Variants in EFCAB5 observed in about 807,000 individuals in gnomAD.
EFCAB5 encodes the protein EF-hand calcium-binding domain-containing protein 5.
A neutral mutation model predicts 167.9 loss-of-function variants in EFCAB5; 131 were observed. The ratio of observed to expected loss-of-function variants is 0.78; its 90% confidence interval spans 0.68 to 0.90. The LOEUF (loss-of-function observed/expected upper bound fraction) is 0.90, where lower values mean the gene tolerates loss of function less well. Ranked by LOEUF, EFCAB5 falls within the 40% of genes least tolerant of loss-of-function variation. The probability of loss-of-function intolerance (pLI) is 0.00; values close to 1 mark genes in which losing one functional copy is unlikely to be tolerated. For synonymous variants in EFCAB5, 574 were observed against 602.8 expected (o/e 0.95, Z 0.70); for missense variants, 1,663 against 1,745.2 (o/e 0.95, Z 0.84).
chr17:29,930,025 G>A (rs2067157892), intron 1 of EFCAB5: 4 of 1,582,674 alleles, frequency 2.5e-6, no homozygotes, highest in African/African-American at 2.7e-5. Flanking sequence ...GTTGTTCCGG[G>A]CAGGGCATTC....
intron 22 of EFCAB5, among the ~76,000 whole-genome samples, chr17:30,097,042 ACATATACATATATATATATTTTT>A (rs1481822365): frequency 4.4e-5 from 4 of 90,806 alleles, no homozygotes; most frequent in African/African-American, 2.8e-4. Flanking sequence ...ATATACATAT[ACATATACATATATATATATTTTT>A]TTTTTTTTGA....
intron 22 of EFCAB5, among the ~76,000 whole-genome samples, chr17:30,099,954 G>A (rs963223818): frequency 2.6e-5 from 4 of 151,860 alleles, no homozygotes; most frequent in Non-Finnish European, 5.9e-5. Flanking sequence ...TCACTCTTTG[G>A]AATTCCTATT....
rs184322572 is a variant in EFCAB5 at position 30,090,088 on chromosome 17, T to C, written c.3684-333T>C. 7.2e-5 allele frequency among the ~76,000 whole-genome samples: 11 copies of C among 152,216 alleles called. No homozygotes were observed. In the East Asian group the frequency reaches 1.5e-3, roughly 21 times the overall value. On this transcript the variant is annotated intron_variant, in intron 19 of 22. Coordinates refer to ENST00000394835, the MANE Select transcript of EFCAB5 (RefSeq NM_198529.4). ...TTTCTGCTGGCACTCCACCAAAGCA[T>C]AATGGACAATAGGTAAACAAAAAAT...
chr17:29,940,445 A>C (rs149702963), upstream of EFCAB5, among the ~76,000 whole-genome samples: 80 of 152,266 alleles, frequency 5.3e-4, 1 homozygote, highest in South Asian at 0.011. Flanking sequence ...TGCATATAGA[A>C]AGCACCTAAT....
At chr17:29,930,143 C>T (rs2067162988) in intron 1 of EFCAB5, 1 of 748,634 alleles carries the variant, frequency 1.3e-6, no homozygotes, top group East Asian at 2.8e-5. Flanking sequence ...GGAACGGCCG[C>T]AGACTCCGCA....
In EFCAB5 at chr17:29,999,926, G is replaced by T; in HGVS notation, c.994G>T (p.Asp332Tyr). ...AATAGGATCACACTGCAAACAACTGGATATTACTGACTCAACAGAACCAAG... is the reference window on the plus strand; with the variant it reads ...AATAGGATCACACTGCAAACAACTGTATATTACTGACTCAACAGAACCAAG... ...FKLGSHCKQLDITDSTEPRLN... is the reference protein window; with the variant it reads ...FKLGSHCKQLYITDSTEPRLN... The change falls in exon 7 of 23, where the codon GAT becomes TAT. Residue 332 changes from aspartate (D) to tyrosine (Y), a missense_variant. Asp to Tyr is a radical substitution (Grantham distance 160, BLOSUM62 -3). Coordinates refer to ENST00000394835, the MANE Select transcript of EFCAB5 (RefSeq NM_198529.4). 1 of 1,585,930 alleles carries T rather than the reference G, an allele frequency of 6.3e-7. No homozygotes were observed. The highest frequency in any genetic ancestry group is 2.3e-5 in the East Asian group (1 of 43,964).
intron 8 of EFCAB5, among the ~76,000 whole-genome samples, chr17:30,048,428 G>A (rs1303663431): frequency 6.6e-6 from 1 of 151,226 alleles, no homozygotes; most frequent in Non-Finnish European, 1.5e-5. Context: ...TTCAGGGGAA[G>A]TAATCCTATC....
At chr17:30,045,961 G>A (rs1390623259) in intron 8 of EFCAB5, among the ~76,000 whole-genome samples, 1 of 152,142 alleles carries the variant, frequency 6.6e-6, no homozygotes, top group African/African-American at 2.4e-5. Context: ...AGGATAGCTT[G>A]AGCCCAGAAG....
chr17:30,069,665 T>C, intron 14 of EFCAB5: 1 of 1,503,370 alleles, frequency 6.7e-7, no homozygotes, highest in Non-Finnish European at 9.2e-7. Context: ...CACGAGAGTC[T>C]GCATGGGCGC....
rs201318340 is a variant in EFCAB5, at chr17:30,051,211, C to T, written c.1294C>T (p.Arg432Ter). Residue 432 changes from arginine (R) to a stop codon, truncating the protein, a stop_gained, in exon 9 of 23, where the codon CGA becomes TGA. Transcript: ENST00000394835. LOFTEE classifies it high-confidence loss of function. The stretch of plus-strand genomic sequence containing the variant: ...GCTTAGGAGTTTACTTCGAAACCCA[C>T]GACAATGTAAGTGCCGCTCAGAGGG... ...QMLRSLLRNP[R>*]QWPFIEFEEI... is the part of the protein sequence containing the mutation. 62 of 1,613,752 alleles carry T rather than the reference C, an allele frequency of 3.8e-5. 1 individual carries two copies. The highest frequency in any genetic ancestry group is 3.2e-4 in the African/African-American group (24 of 74,908).
At chr17:30,051,288 C>G in intron 9 of EFCAB5, 71 bp downstream of exon 9, 1 of 1,265,346 alleles carries the variant, frequency 7.9e-7, no homozygotes, top group Non-Finnish European at 1.1e-6. Flanking sequence ...TGATATGATA[C>G]ACTGATATGT....
intron 8 of EFCAB5, among the ~76,000 whole-genome samples, chr17:30,042,875 GACCC>G (rs1369411614): frequency 2.6e-5 from 4 of 152,082 alleles, no homozygotes; most frequent in African/African-American, 9.7e-5. Context: ...CATGAACATA[GACCC>G]AAAAATCTTT....
chr17:29,954,234 C>T (rs542804131), intron 3 of EFCAB5, among the ~76,000 whole-genome samples: 1 of 152,268 alleles, frequency 6.6e-6, no homozygotes, highest in South Asian at 2.1e-4. Context: ...TTTTAATCAC[C>T]AAGACATGTG....
chr17:29,976,849 A>G (rs1344173021), intron 4 of EFCAB5, among the ~76,000 whole-genome samples: 1 of 152,174 alleles, frequency 6.6e-6, no homozygotes, highest in East Asian at 1.9e-4. Flanking sequence ...TTAGGTCTCT[A>G]AAAACAACAG....
At chr17:30,095,302 C>A (rs2071273127) in intron 22 of EFCAB5, among the ~76,000 whole-genome samples, 2 of 152,108 alleles carry the variant, frequency 1.3e-5, no homozygotes. Context: ...CCCGGCCCTC[C>A]ACTTCTCCTA....
At chr17:30,004,460 T>C (rs144574918) in intron 7 of EFCAB5, among the ~76,000 whole-genome samples, 1 of 152,188 alleles carries the variant, frequency 6.6e-6, no homozygotes, top group African/African-American at 2.4e-5. Context: ...AAAGGTTAGA[T>C]AACAATTTAG....
At chr17:30,072,164 C>A (rs375785119) in intron 14 of EFCAB5, among the ~76,000 whole-genome samples, 26 of 152,020 alleles carry the variant, frequency 1.7e-4, no homozygotes, top group African/African-American at 6.3e-4. Context: ...GTTCCCAACA[C>A]AAAGAAGTGA....
chr17:30,007,777 A>G (rs879738634), intron 7 of EFCAB5, among the ~76,000 whole-genome samples: 7 of 152,174 alleles, frequency 4.6e-5, no homozygotes, highest in Non-Finnish European at 1.0e-4. Context: ...GCTTGAGCCT[A>G]GGAGTTCAAG....
intron 14 of EFCAB5, among the ~76,000 whole-genome samples, chr17:30,077,789 A>T (rs2070897845): frequency 6.6e-6 from 1 of 152,238 alleles, no homozygotes; most frequent in Non-Finnish European, 1.5e-5. Context: ...TTTTACAAAC[A>T]CGTATTGAGC....
Sources: gnomAD v4.1 joint callset for allele counts (sites outside exome capture counted in the v4.1 genomes callset) on GRCh38, gnomAD v4.1.1 for gene constraint, MANE v1.5 for transcripts, NCBI Gene and HGNC (gene_info 2026-07-23, HGNC 2026-07-21) for gene names.